The following LDLRAD3 variants were observed in gnomAD, a reference collection of about 807,000 sequenced individuals.
LDLRAD3 encodes low-density lipoprotein receptor class A domain-containing protein 3.
In LDLRAD3, 20 loss-of-function variants were observed where a neutral mutation model predicts 29.4. The observed-to-expected ratio is 0.68, with a 90% CI of 0.48 to 0.99. LDLRAD3 has a LOEUF of 0.99. Ranked by LOEUF, LDLRAD3 falls within the 50% of genes least tolerant of loss-of-function variation. The probability of loss-of-function intolerance (pLI) is 0.00; values close to 1 mark genes in which losing one functional copy is unlikely to be tolerated. For synonymous variants in LDLRAD3, 157 were observed against 192.7 expected (o/e 0.81, Z 1.53); for missense variants, 420 against 454.3 (o/e 0.92, Z 0.69).
At chr11:36,207,635 G>A (rs1274603314) in intron 4 of LDLRAD3, among the ~76,000 whole-genome samples, 3 of 152,090 alleles carry the variant, frequency 2.0e-5, no homozygotes, top group Non-Finnish European at 2.9e-5. Context: ...GGGTGTTGGA[G>A]TGTGAAGGGC....
At chr11:35,949,682 C>T (rs1233323321) in intron 1 of LDLRAD3, among the ~76,000 whole-genome samples, 2 of 152,206 alleles carry the variant, frequency 1.3e-5, no homozygotes, top group Non-Finnish European at 2.9e-5. Flanking sequence ...CTTTAAGACA[C>T]TTTTCCTTCC....
At chr11:35,947,542 C>G (rs1165198713) in intron 1 of LDLRAD3, among the ~76,000 whole-genome samples, 1 of 151,802 alleles carries the variant, frequency 6.6e-6, no homozygotes, top group Non-Finnish European at 1.5e-5. Flanking sequence ...TACAACCTTG[C>G]CTGTTTCTGT....
chr11:35,997,415 G>T, intron 1 of LDLRAD3: 1 of 419,066 alleles, frequency 2.4e-6, no homozygotes. Flanking sequence ...ATCTCTTTGT[G>T]GTTCCTTGAG....
At chr11:36,205,791 A>G (rs1855198357) in intron 4 of LDLRAD3, among the ~76,000 whole-genome samples, 1 of 152,226 alleles carries the variant, frequency 6.6e-6, no homozygotes, top group African/African-American at 2.4e-5. Flanking sequence ...GTGCAATTGG[A>G]CATAGATACT....
chr11:36,152,738 C>T (rs749064770), intron 4 of LDLRAD3, among the ~76,000 whole-genome samples: 9 of 152,158 alleles, frequency 5.9e-5, no homozygotes, highest in Non-Finnish European at 1.2e-4. Context: ...ATAGTTGGGA[C>T]GCTTGACAGC....
intron 1 of LDLRAD3, among the ~76,000 whole-genome samples, chr11:35,982,334 A>G (rs966329558): frequency 6.6e-6 from 1 of 151,958 alleles, no homozygotes; most frequent in Non-Finnish European, 1.5e-5. Flanking sequence ...GTGTCTCCAC[A>G]TCACTCTCTC....
chr11:36,218,183 G>A (rs928481549), intron 4 of LDLRAD3, among the ~76,000 whole-genome samples: 3 of 152,164 alleles, frequency 2.0e-5, no homozygotes, highest in African/African-American at 7.2e-5. Flanking sequence ...ATGCATGGTG[G>A]TGATGGTTGT....
chr11:36,098,287 G>A (rs1241475560), intron 3 of LDLRAD3, 40 bp from the exon 4 acceptor site: 4 of 1,611,442 alleles, frequency 2.5e-6, no homozygotes, highest in Non-Finnish European at 3.4e-6. Context: ...AAGGGAACTT[G>A]CTGGCCTCCC....
intron 4 of LDLRAD3, among the ~76,000 whole-genome samples, chr11:36,114,395 G>A (rs914503408): frequency 2.4e-4 from 36 of 152,272 alleles, no homozygotes; most frequent in African/African-American, 8.4e-4. Flanking sequence ...ATGTCAAGTG[G>A]AAGAGGTGCT....
At chr11:36,189,802 C>G (rs1323126953) in intron 4 of LDLRAD3, among the ~76,000 whole-genome samples, 1 of 151,738 alleles carries the variant, frequency 6.6e-6, no homozygotes, top group Non-Finnish European at 1.5e-5. Flanking sequence ...TTGTTCAGTT[C>G]CCACCTATGA....
chr11:36,093,318 A>T (rs1257636494), intron 3 of LDLRAD3, among the ~76,000 whole-genome samples: 1 of 152,228 alleles, frequency 6.6e-6, no homozygotes, highest in Non-Finnish European at 1.5e-5. Flanking sequence ...TTAAAATAAT[A>T]AAATATTACC....
chr11:36,039,093 C>T (rs1852346600), intron 2 of LDLRAD3, among the ~76,000 whole-genome samples: 1 of 151,746 alleles, frequency 6.6e-6, no homozygotes, highest in Admixed American at 6.6e-5. Flanking sequence ...CCTCAGTCTC[C>T]CGAGTAGCTG....
intron 2 of LDLRAD3, among the ~76,000 whole-genome samples, chr11:36,074,491 T>C (rs1473658808): frequency 6.6e-6 from 1 of 152,220 alleles, no homozygotes; most frequent in African/African-American, 2.4e-5. Flanking sequence ...ATATGCTGGC[T>C]GGGCTTGAGA....
intron 4 of LDLRAD3, among the ~76,000 whole-genome samples, chr11:36,176,222 A>T (rs1854673829): frequency 6.6e-6 from 1 of 152,154 alleles, no homozygotes; most frequent in Non-Finnish European, 1.5e-5. Context: ...AAGACAGCAG[A>T]TACTTGTCTG....
rs541785123 is a variant in LDLRAD3, at chr11:36,104,315, G to A, written c.454+5854G>A. ...CATCTGCAGCCCCGGCTGACACGCC[G>A]ACTGTAGCCTTGTAAGACTCCCTGA... On this transcript the variant is annotated intron_variant, in intron 4 of 5. Coordinates refer to ENST00000315571, the MANE Select transcript of LDLRAD3 (RefSeq NM_174902.4). 1.4e-3 allele frequency among the ~76,000 whole-genome samples: 212 copies of A among 152,332 alleles called. 1 individual carries two copies. The highest frequency in any genetic ancestry group is 2.9e-3 in the Admixed American group (45 of 15,306).
chr11:36,143,462 C>G (rs1385026112), intron 4 of LDLRAD3, among the ~76,000 whole-genome samples: 2 of 152,228 alleles, frequency 1.3e-5, no homozygotes, highest in Non-Finnish European at 2.9e-5. Flanking sequence ...AAAGTCTTGG[C>G]TGTTGTTAGC....
intron 1 of LDLRAD3, among the ~76,000 whole-genome samples, chr11:35,996,560 G>A (rs542781943): frequency 1.2e-4 from 19 of 152,294 alleles, no homozygotes; most frequent in African/African-American, 3.6e-4. Context: ...GACTTACTGC[G>A]TTCAGGATTG....
At chr11:36,182,656 C>A (rs1854781819) in intron 4 of LDLRAD3, among the ~76,000 whole-genome samples, 1 of 152,104 alleles carries the variant, frequency 6.6e-6, no homozygotes, top group Non-Finnish European at 1.5e-5. Context: ...TCCACAAGCC[C>A]CTTGTTCACT....
At chr11:35,988,941 A>C (rs77119686) in intron 1 of LDLRAD3, 2 of 152,106 alleles carry the variant, frequency 1.3e-5, no homozygotes, top group South Asian at 4.1e-4. Flanking sequence ...TTAGCTATAA[A>C]TTCTTTGCCA....
Sources: gnomAD v4.1 joint callset for allele counts (sites outside exome capture counted in the v4.1 genomes callset) on GRCh38, gnomAD v4.1.1 for gene constraint, MANE v1.5 for transcripts, NCBI Gene and HGNC (gene_info 2026-07-23, HGNC 2026-07-21) for gene names.